Variants in RNF10 observed in about 807,000 individuals in gnomAD.
RNF10 encodes the protein E3 ubiquitin-protein ligase RNF10.
Under a neutral mutation model 91.4 loss-of-function variants are expected in RNF10, and 38 were observed. The ratio of observed to expected loss-of-function variants is 0.42; its 90% confidence interval spans 0.32 to 0.54. The LOEUF is 0.54. Ranked by LOEUF, RNF10 falls within the 20% of genes least tolerant of loss-of-function variation. The probability of loss-of-function intolerance (pLI) is 0.16; values close to 1 mark genes in which losing one functional copy is unlikely to be tolerated. For synonymous variants in RNF10, 364 were observed against 366.3 expected, an observed-to-expected ratio of 0.99 and a Z score of 0.07; for missense variants, 945 against 1,012.0, an observed-to-expected ratio of 0.93 and a Z score of 0.90.
At chr12:120,571,362 C>G in intron 14 of RNF10, 71 bp downstream of exon 14, 1 of 1,095,466 alleles carries the variant, frequency 9.1e-7, no homozygotes, top group Non-Finnish European at 1.4e-6. Flanking sequence ...TTATGGGAAC[C>G]TCCTCCAGGG....
chr12:120,575,345 G>T (rs2292680), intron 14 of RNF10: 98,447 of 336,038 alleles, frequency 0.29, 16,345 homozygotes, highest in Admixed American at 0.39. Flanking sequence ...TTCCCAATTT[G>T]AGGGTCTCAG....
chr12:120,573,472 G>A (rs1481838520), intron 14 of RNF10, among the ~76,000 whole-genome samples: 1 of 151,814 alleles, frequency 6.6e-6, no homozygotes, highest in African/African-American at 2.4e-5. Flanking sequence ...TAAGACATAG[G>A]TGACATTTTG....
At chr12:120,567,274 TCCCC>T (rs890323195) in intron 13 of RNF10, among the ~76,000 whole-genome samples, 1 of 151,232 alleles carries the variant, frequency 6.6e-6, no homozygotes, top group African/African-American at 2.4e-5. Context: ...TTTGAGATAC[TCCCC>T]TGTATGCCTA....
At chr12:120,570,614 A>C (rs1353808701) in intron 13 of RNF10, among the ~76,000 whole-genome samples, 1 of 152,190 alleles carries the variant, frequency 6.6e-6, no homozygotes, top group Non-Finnish European at 1.5e-5. Context: ...AACACTGTTC[A>C]GGGCAGTGGA....
chr12:120,566,828 C>T lies in RNF10; in HGVS notation c.1889C>T (p.Pro630Leu), dbSNP rs749177719. 8.7e-6 allele frequency: 14 copies of T among 1,612,528 alleles called. No individual in the cohort carries two copies. In the African/African-American group the frequency reaches 1.1e-4, roughly 12 times the overall value. Residue 630 changes from proline (P) to leucine (L), a missense_variant, in exon 13 of 17, where the codon CCA becomes CTA. By Grantham distance (98) the Pro-to-Leu change is moderately conservative. Coordinates refer to ENST00000325954, the MANE Select transcript of RNF10 (RefSeq NM_014868.5). ...IEENKKQGKY[P>L]EVHIPLENLQ... is the part of the protein sequence containing the mutation. ...AAGGGTTATCTTTCCTTTGCAGACC[C>T]AGAAGTCCACATTCCCCTCGAGAAT...
chr12:120,543,582 G>A (rs939709377), intron 1 of RNF10, among the ~76,000 whole-genome samples: 8 of 151,810 alleles, frequency 5.3e-5, no homozygotes, highest in Admixed American at 5.3e-4. Context: ...CTGGTGGATC[G>A]CTTGAGCTCA....
At chr12:120,557,815 A>G in intron 6 of RNF10, 133 bp downstream of exon 6, 2 of 978,682 alleles carry the variant, frequency 2.0e-6, no homozygotes, top group Non-Finnish European at 1.5e-6. Flanking sequence ...ATAGGATTCC[A>G]GTAGGTTAGG....
At chr12:120,547,041 A>G (rs1168758380) in intron 2 of RNF10, among the ~76,000 whole-genome samples, 1 of 152,180 alleles carries the variant, frequency 6.6e-6, no homozygotes, top group African/African-American at 2.4e-5. Context: ...GTACAAGGGT[A>G]TTCACTGCTT....
chr12:120,545,482 G>C (rs181009144), intron 1 of RNF10, among the ~76,000 whole-genome samples: 1 of 151,396 alleles, frequency 6.6e-6, no homozygotes, highest in African/African-American at 2.4e-5. Flanking sequence ...ATGAGCCACC[G>C]CGCCTGGCCA....
intron 1 of RNF10, among the ~76,000 whole-genome samples, chr12:120,536,024 G>A (rs956116741): frequency 1.3e-5 from 2 of 152,188 alleles, no homozygotes; most frequent in African/African-American, 4.8e-5. Context: ...AGCAGTAATA[G>A]GAAGGTGTTT....
At chr12:120,554,855 T>A in intron 4 of RNF10, 47 bp downstream of exon 4, 4 of 1,438,536 alleles carry the variant, frequency 2.8e-6, no homozygotes, top group Non-Finnish European at 3.9e-6. Flanking sequence ...GAGCACTAAA[T>A]AAAGGCACTG....
intron 2 of RNF10, among the ~76,000 whole-genome samples, chr12:120,549,543 G>C (rs1872745341): frequency 6.6e-6 from 1 of 152,192 alleles, no homozygotes; most frequent in African/African-American, 2.4e-5. Context: ...CCAGCACTTT[G>C]GGAGGCCAAG....
At chr12:120,549,642 G>A (rs1350672698) in intron 2 of RNF10, among the ~76,000 whole-genome samples, 7 of 152,106 alleles carry the variant, frequency 4.6e-5, no homozygotes, top group East Asian at 1.9e-4. Flanking sequence ...AAAATTAACC[G>A]GGCGTGATGG....
rs775510927 is a variant in RNF10 at position 120,575,944 on chromosome 12, C to T, written c.2353C>T (p.Leu785Phe). Reference protein sequence around the residue: ...KLDTPATSDPLSEEKGGKKRK... With the variant: ...KLDTPATSDPFSEEKGGKKRK... ...GGACACACCAGCTACTTCAGATCCC[C>T]TCTCTGGTAAGGGCAGAGGCTGGAG... The change falls in exon 16 of 17, where the codon CTC (leucine) becomes TTC (phenylalanine). Residue 785 changes from leucine (L) to phenylalanine (F), a missense_variant. By Grantham distance (22) the Leu-to-Phe change is conservative. Transcript: ENST00000325954. The T allele has an allele frequency of 6.2e-7, 1 of 1,613,634 alleles. No individual in the cohort carries two copies. Among genetic ancestry groups the T allele is most frequent in the South Asian group, 1.1e-5 (1 of 91,056 alleles).
At chr12:120,543,772 C>T (rs571056579) in intron 1 of RNF10, among the ~76,000 whole-genome samples, 2 of 152,156 alleles carry the variant, frequency 1.3e-5, no homozygotes, top group African/African-American at 4.8e-5. Flanking sequence ...TGCACTCCAG[C>T]CTGGGTGACA....
intron 7 of RNF10, among the ~76,000 whole-genome samples, chr12:120,561,095 G>A (rs994705178): frequency 3.3e-5 from 5 of 152,132 alleles, no homozygotes; most frequent in African/African-American, 1.2e-4. Flanking sequence ...AGTAGAGAAG[G>A]TTTAACCTAG....
intron 16 of RNF10, among the ~76,000 whole-genome samples, chr12:120,576,177 TTCCAAGA>T (rs1388561576): frequency 6.6e-6 from 1 of 152,240 alleles, no homozygotes; most frequent in African/African-American, 2.4e-5. Context: ...TGAGGAACTC[TTCCAAGA>T]TACAGTGGGG....
chr12:120,552,285 A>G (rs1165196226), intron 2 of RNF10, among the ~76,000 whole-genome samples: 1 of 151,406 alleles, frequency 6.6e-6, no homozygotes, highest in Non-Finnish European at 1.5e-5. Context: ...CTGTAATCCC[A>G]GCTACTCAGG....
At chr12:120,572,255 A>G (rs980092599) in intron 14 of RNF10, among the ~76,000 whole-genome samples, 1 of 151,662 alleles carries the variant, frequency 6.6e-6, no homozygotes, top group African/African-American at 2.4e-5. Context: ...TTTAGTAGAG[A>G]CAGGGTTTCA....
Sources: gnomAD v4.1 joint callset for allele counts (sites outside exome capture counted in the v4.1 genomes callset) on GRCh38, gnomAD v4.1.1 for gene constraint, MANE v1.5 for transcripts, NCBI Gene and HGNC (gene_info 2026-07-23, HGNC 2026-07-21) for gene names.